The following OBSL1 variants were observed in gnomAD, a reference collection of about 807,000 sequenced individuals.
The protein encoded by OBSL1 is obscurin like cytoskeletal adaptor 1.
In OBSL1, 160 loss-of-function variants were observed where a neutral mutation model predicts 172.0. The ratio of observed to expected loss-of-function variants is 0.93; its 90% CI spans 0.82 to 1.06. The LOEUF is 1.06. Ranked by LOEUF, OBSL1 falls within the 50% of genes least tolerant of loss-of-function variation. OBSL1 has a pLI of 0.00. For synonymous variants in OBSL1, 1,200 were observed against 1,196.3 expected, an observed-to-expected ratio of 1.00 and a Z score of -0.06; for missense variants, 2,681 against 2,715.4, an observed-to-expected ratio of 0.99 and a Z score of 0.28.
rs1484592274 is a variant in OBSL1, at chr2:219,562,555, C to A, written c.2800G>T (p.Asp934Tyr). 7 of 1,613,746 alleles carry A rather than the reference C, an allele frequency of 4.3e-6. No homozygotes were observed. In the African/African-American group the frequency reaches 9.3e-5, roughly 22 times the overall value. The change falls in exon 8 of 21, where the codon GAT becomes TAT. Residue 934 changes from aspartate (D) to tyrosine (Y), a missense_variant. Coordinates refer to ENST00000404537, the MANE Select transcript of OBSL1 (RefSeq NM_015311.3). ...GGGCTCTCCACCACCTCCTCTCCAT[C>A]CTTGGTCCAGCGCACCTCTGCCCAG... ...RPWAEVRWTK[D>Y]GEEVVESPAL...
In OBSL1 at chr2:219,571,278, G is replaced by C. The variant is rs769043893; in HGVS notation, c.-46C>G. 5 of 1,086,532 alleles carry C rather than the reference G, an allele frequency of 4.6e-6. No individual in the cohort carries two copies. The highest frequency in any genetic ancestry group is 4.3e-5 in the Admixed American group (1 of 23,096). The allele number at this position is 1,086,532 out of a possible 1,614,324, so 67.3% of individuals were successfully genotyped here. On this transcript the variant is annotated 5_prime_UTR_variant, in exon 1 of 21. Coordinates refer to ENST00000404537, the MANE Select transcript of OBSL1 (RefSeq NM_015311.3). ...AGCGGCGAACGGTGGGGGGGCAGGG[G>C]GGGGTGCGGAGGGCGAGCCGAGGCC...
chr2:219,547,206 T>G, downstream of OBSL1: 1 of 288,570 alleles, frequency 3.5e-6, no homozygotes, highest in Non-Finnish European at 6.4e-6. Flanking sequence ...AATGCACGAA[T>G]TCACTCTTGA....
intron 15 of OBSL1, 48 bp downstream of exon 15, chr2:219,554,426 G>A: frequency 6.3e-7 from 1 of 1,597,866 alleles, no homozygotes; most frequent in African/African-American, 1.3e-5. Flanking sequence ...CCTGGGGTAA[G>A]TAGGGCCACA....
In OBSL1 at chr2:219,557,539, C is replaced by A. The variant is rs1156585240; in HGVS notation, c.3870G>T (p.Val1290=). The A allele has an allele frequency of 6.4e-7, 1 of 1,553,118 alleles. No homozygotes were observed. The highest frequency in any genetic ancestry group is 2.4e-5 in the East Asian group (1 of 41,098). Residue 1290 remains valine, a synonymous_variant, in exon 12 of 21, where the codon GTG becomes GTT. Coordinates refer to ENST00000404537, the MANE Select transcript of OBSL1 (RefSeq NM_015311.3). Reference sequence around the variant, plus strand: ...GGCCCCCTGGCCCGGAGAGGTGCACCACCAGCTCTAGGTCCCCGCCTGGGG... The same window carrying A: ...GGCCCCCTGGCCCGGAGAGGTGCACAACCAGCTCTAGGTCCCCGCCTGGGG... ...RSTPGGDLEL[V]VHLSGPGGPV...
intron 20 of OBSL1, 79 bp from the exon 21 acceptor site, chr2:219,550,921 C>G: frequency 6.4e-7 from 1 of 1,573,992 alleles, no homozygotes. Context: ...GCCTGGACAC[C>G]AGTACACAAA....
At chr2:219,566,709 T>C (rs1276656714) in intron 5 of OBSL1, 121 bp downstream of exon 5, 1 of 1,160,226 alleles carries the variant, frequency 8.6e-7, no homozygotes. Flanking sequence ...CAGCCCATCA[T>C]GGATGCTCCT....
rs139893353 is a variant in OBSL1 at position 219,560,731 on chromosome 2, C to T, written c.2954-1234G>A. ...GCCTTGAGCCACACAACCCACCTCC[C>T]CCATGGGCTTGCTTGCTCTAAGGGT... On this transcript the variant is annotated intron_variant, in intron 8 of 20. Coordinates refer to ENST00000404537, the MANE Select transcript of OBSL1 (RefSeq NM_015311.3). Among the ~76,000 whole-genome samples, 1,495 of 152,348 alleles carry T rather than the reference C, an allele frequency of 9.8e-3. 22 individuals are homozygous for T. Among genetic ancestry groups the T allele is most frequent in the African/African-American group, 0.034 (1,418 of 41,578 alleles).
Position 219,550,848 on chromosome 2 carries a change from G to A in OBSL1, c.5684-6C>T. 2.5e-6 allele frequency: 4 copies of A among 1,609,546 alleles called. No homozygotes were observed. The South Asian group carries it at 3.3e-5, about 13-fold the overall frequency. On this transcript the variant is annotated splice_region_variant and splice_polypyrimidine_tract_variant and intron_variant, in intron 20 of 20. Coordinates refer to ENST00000404537, the MANE Select transcript of OBSL1 (RefSeq NM_015311.3). ...GGTTAGGTTCTCCTAGTTGCCTGCAGAGGAATGACTCCACATGGGGCTGGG... is the reference window on the plus strand; with the variant it reads ...GGTTAGGTTCTCCTAGTTGCCTGCAAAGGAATGACTCCACATGGGGCTGGG...
Position 219,550,734 on chromosome 2 carries a change from G to A in OBSL1, c.*101C>T, listed in dbSNP as rs1695555694. Reference sequence around the variant, plus strand: ...ACTCAGAGAGGCAAGGAAATGAGCTGTAGCACTTTTATTGTTCCTTGTCTC... The same window carrying A: ...ACTCAGAGAGGCAAGGAAATGAGCTATAGCACTTTTATTGTTCCTTGTCTC... On this transcript the variant is annotated 3_prime_UTR_variant, in exon 21 of 21. Coordinates refer to ENST00000404537, the MANE Select transcript of OBSL1 (RefSeq NM_015311.3). 1 of 1,471,326 alleles carries A rather than the reference G, an allele frequency of 6.8e-7. No individual in the cohort carries two copies. Among genetic ancestry groups the A allele is most frequent in the Non-Finnish European group, 9.3e-7 (1 of 1,074,406 alleles). The allele number at this position is 1,471,326 out of a possible 1,614,324, so 91.1% of individuals were successfully genotyped here.
chr2:219,559,198 C>G (rs745652935), intron 9 of OBSL1, 27 bp downstream of exon 9: 2 of 1,570,592 alleles, frequency 1.3e-6, no homozygotes, highest in Non-Finnish European at 1.7e-6. Flanking sequence ...CTCTCTACCT[C>G]CTCTCTGTGC....
chr2:219,559,505 G>A lies in OBSL1; in HGVS notation c.2954-8C>T, dbSNP rs371235393. 658 of 1,602,944 alleles carry A rather than the reference G, an allele frequency of 4.1e-4. No homozygotes were observed. The highest frequency in any genetic ancestry group is 5.5e-4 in the Non-Finnish European group (642 of 1,170,776). ...TGATCCGCACTGGGGGTTCTGCAGG[G>A]TGGGGACAACCACAGCCTGTCACAA... On this transcript the variant is annotated splice_region_variant and splice_polypyrimidine_tract_variant and intron_variant, in intron 8 of 20. Transcript: ENST00000404537.
intron 18 of OBSL1, 84 bp from the exon 19 acceptor site, chr2:219,552,300 G>A: frequency 1.5e-6 from 2 of 1,306,186 alleles, no homozygotes; most frequent in Non-Finnish European, 2.1e-6. Flanking sequence ...CAGGCCCCTG[G>A]GTCGGTTCGG....
intron 12 of OBSL1, chr2:219,556,985 A>G (rs1309469382): frequency 1.9e-6 from 1 of 515,066 alleles, no homozygotes; most frequent in Non-Finnish European, 3.4e-6. Flanking sequence ...CCCTATTTAC[A>G]GCATTTACTT....
At position 219,570,262 on chromosome 2, in the gene OBSL1, G is replaced by A. The variant is rs1284495604; in HGVS notation, c.971C>T (p.Ser324Leu). Reference protein sequence around the residue: ...RGLYVCAARNSAGQTLSAVQL... With the variant: ...RGLYVCAARNLAGQTLSAVQL... ...CACGGCACTGAGCGTCTGGCCCGCC[G>A]AGTTGCGCGCGGCGCAGACGTAGAG... The change falls in exon 1 of 21, where the codon TCG becomes TTG. Residue 324 changes from serine (S) to leucine (L), a missense_variant. By Grantham distance (145) the Ser-to-Leu change is moderately radical (BLOSUM62 -2). Around this residue, in one of 5 missense-constraint regions of OBSL1, gnomAD observed 706 missense variants for 695.8 expected, o/e 1.01. Coordinates refer to ENST00000404537, the MANE Select transcript of OBSL1 (RefSeq NM_015311.3). 1.3e-5 allele frequency: 21 copies of A among 1,595,224 alleles called. No individual in the cohort carries two copies. The highest frequency in any genetic ancestry group is 1.7e-4 in the Middle Eastern group (1 of 5,996).
chr2:219,564,918 T>C (rs1207655065), intron 6 of OBSL1, among the ~76,000 whole-genome samples: 4 of 152,118 alleles, frequency 2.6e-5, no homozygotes, highest in Non-Finnish European at 5.9e-5. Context: ...AATAAAAAAA[T>C]TAGCTGGGCG....
chr2:219,563,760 T>G, intron 6 of OBSL1, 133 bp from the exon 7 acceptor site: 1 of 957,050 alleles, frequency 1.0e-6, no homozygotes, highest in Non-Finnish European at 1.6e-6. Context: ...GTGTAGGGAC[T>G]CAGGGACAAT....
At position 219,570,163 on chromosome 2, in the gene OBSL1, T is replaced by G. The variant is rs565349007; in HGVS notation, c.1012+58A>C. The G allele has an allele frequency of 1.8e-5, 26 of 1,412,630 alleles. No individual in the cohort carries two copies. The South Asian group carries it at 3.9e-4, about 21-fold the overall frequency. 87.5% of individuals were successfully genotyped at this position (1,412,630 alleles called of 1,614,324 possible). A position where few individuals can be genotyped will look rare whatever the true frequency, so the allele number is the denominator to read the frequency against. The stretch of plus-strand genomic sequence containing the variant: ...CGCTGGGCACCGAGGAGGGCTGGAG[T>G]TCGGAGGGCCTCGGAGGACACTCGA... On this transcript the variant is annotated intron_variant, in intron 1 of 20. Coordinates refer to ENST00000404537, the MANE Select transcript of OBSL1 (RefSeq NM_015311.3).
chr2:219,550,889 C>A, intron 20 of OBSL1, 47 bp from the exon 21 acceptor site: 1 of 1,600,690 alleles, frequency 6.2e-7, no homozygotes. Flanking sequence ...AAGGGGGTAC[C>A]ACCTTCCTCT....
Position 219,558,008 on chromosome 2 carries a change from G to C in OBSL1, c.3605C>G (p.Ala1202Gly). The change falls in exon 11 of 21, where the codon GCC (alanine) becomes GGC (glycine). Residue 1202 changes from alanine to glycine, a missense_variant. By Grantham distance (60) the Ala-to-Gly change is moderately conservative. Transcript: ENST00000404537. The stretch of plus-strand genomic sequence containing the variant: ...CCCATTGTGGCTCCAGACCACGGGG[G>C]CGCCAGCCCGGGACAGTTCACAGCT... Reference protein sequence around the residue: ...VLSCELSRAGAPVVWSHNGRP... With the variant: ...VLSCELSRAGGPVVWSHNGRP... The C allele has an allele frequency of 1.9e-6, 3 of 1,612,724 alleles. No homozygotes were observed. Among genetic ancestry groups the C allele is most frequent in the Middle Eastern group, 3.3e-4 (2 of 6,062 alleles).
Sources: allele counts gnomAD v4.1 joint callset (sites outside exome capture counted in the v4.1 genomes callset), GRCh38; gene constraint gnomAD v4.1.1; regional missense constraint gnomAD v4.1.1; transcripts MANE v1.5; gene names NCBI Gene and HGNC (gene_info 2026-07-23, HGNC 2026-07-21).